TTC7A: variants seen among roughly 807,000 people sequenced by gnomAD.
The protein encoded by TTC7A is tetratricopeptide repeat protein 7A.
In TTC7A, 110 loss-of-function variants were observed where a neutral mutation model predicts 103.7. The ratio of observed to expected loss-of-function variants is 1.06; its 90% CI spans 0.91 to 1.24. The LOEUF is 1.24. TTC7A is among the 50% of genes most tolerant of loss of function. The pLI, the probability that TTC7A is intolerant of heterozygous loss-of-function variation, is 0.00. For synonymous variants in TTC7A, 521 were observed against 467.9 expected, an observed-to-expected ratio of 1.11 and a Z score of -1.47; for missense variants, 1,340 against 1,116.3, an observed-to-expected ratio of 1.20 and a Z score of -2.86.
At chr2:46,962,461 A>G (rs1672469605) in intron 3 of TTC7A, among the ~76,000 whole-genome samples, 1 of 152,120 alleles carries the variant, frequency 6.6e-6, no homozygotes, top group South Asian at 2.1e-4. Flanking sequence ...CTCCCACAGG[A>G]GGAAGTAAAA....
chr2:47,030,745 CA>C lies in TTC7A; in HGVS notation c.1802+1362del, dbSNP rs368666383. Among the ~76,000 whole-genome samples, 22 of 152,312 alleles carry C rather than the reference CA, an allele frequency of 1.4e-4. No individual in the cohort carries two copies. The East Asian group carries it at 4.1e-3, about 28-fold the overall frequency. On this transcript the variant is annotated intron_variant, in intron 15 of 19. Transcript: ENST00000319190. ...CTCCATCCTGGCCTAGGCAGGTCCC[CA>C]CTGCTCACAGCCAGGTGTAAGCAGA...
intron 8 of TTC7A, among the ~76,000 whole-genome samples, chr2:46,996,233 A>C (rs1193417570): frequency 1.3e-5 from 2 of 152,248 alleles, no homozygotes; most frequent in African/African-American, 4.8e-5. Flanking sequence ...GGGCAGGAGC[A>C]TCAGAAGCCA....
chr2:46,917,085 G>A, intron 1 of TTC7A: 2 of 677,104 alleles, frequency 3.0e-6, no homozygotes, highest in Non-Finnish European at 2.7e-6. Flanking sequence ...TGCCATTGAC[G>A]GTCTCATTCC....
chr2:47,038,190 T>G (rs1572989642), intron 15 of TTC7A, among the ~76,000 whole-genome samples: 2 of 145,496 alleles, frequency 1.4e-5, no homozygotes, highest in South Asian at 2.1e-4. Flanking sequence ...ACCCAGGAGG[T>G]GGAGGTTGCA....
intron 19 of TTC7A, among the ~76,000 whole-genome samples, chr2:47,070,329 C>T (rs888445318): frequency 6.6e-6 from 1 of 152,264 alleles, no homozygotes; most frequent in Non-Finnish European, 1.5e-5. Flanking sequence ...TTAGGTTCTG[C>T]ACCTGCGTGG....
At chr2:46,938,909 G>A (rs1368874266), upstream of TTC7A, among the ~76,000 whole-genome samples, 1 of 151,908 alleles carries the variant, frequency 6.6e-6, no homozygotes, top group Non-Finnish European at 1.5e-5. Flanking sequence ...TACTCGGGAG[G>A]CTAAGGCAGG....
intron 18 of TTC7A, among the ~76,000 whole-genome samples, chr2:47,060,019 A>G (rs2916261): frequency 0.71 from 108,016 of 151,972 alleles, 40,253 homozygotes; most frequent in East Asian, 0.94. Context: ...TTAGCTGGGC[A>G]TGTTGGCACA....
chr2:47,011,259 A>C, intron 10 of TTC7A, 72 bp from the exon 11 acceptor site: 2 of 1,397,456 alleles, frequency 1.4e-6, no homozygotes, highest in Non-Finnish European at 2.0e-6. Flanking sequence ...TTGTTTGGGA[A>C]GCTCGCCCCA....
At chr2:47,067,485 A>AGG (rs1684275011) in intron 19 of TTC7A, among the ~76,000 whole-genome samples, 1 of 152,176 alleles carries the variant, frequency 6.6e-6, no homozygotes, top group South Asian at 2.1e-4. Flanking sequence ...GAAGACAGGG[A>AGG]GGGAGTGCCT....
chr2:46,992,263 C>T (rs975319523), intron 5 of TTC7A, among the ~76,000 whole-genome samples: 4 of 152,168 alleles, frequency 2.6e-5, no homozygotes, highest in African/African-American at 9.7e-5. Flanking sequence ...GGGAGCGATG[C>T]GCCTGGCCCT....
At chr2:46,964,351 G>A (rs1249567745) in intron 3 of TTC7A, among the ~76,000 whole-genome samples, 1 of 152,212 alleles carries the variant, frequency 6.6e-6, no homozygotes, top group Non-Finnish European at 1.5e-5. Flanking sequence ...GCCAAGAGGA[G>A]GTGTGTGTGG....
intron 10 of TTC7A, among the ~76,000 whole-genome samples, chr2:47,008,727 A>G (rs1677693714): frequency 6.6e-6 from 1 of 152,186 alleles, no homozygotes; most frequent in Non-Finnish European, 1.5e-5. Context: ...TGAAAGCCTA[A>G]GGTGGAATCA....
intron 11 of TTC7A, among the ~76,000 whole-genome samples, chr2:47,015,299 A>ATTGCCT (rs1678518967): frequency 6.6e-6 from 1 of 152,246 alleles, no homozygotes; most frequent in East Asian, 1.9e-4. Flanking sequence ...AAAAGTTGAA[A>ATTGCCT]CCTTTACAGG....
chr2:46,948,785 C>T (rs1157284737), intron 1 of TTC7A, among the ~76,000 whole-genome samples: 1 of 152,130 alleles, frequency 6.6e-6, no homozygotes, highest in Non-Finnish European at 1.5e-5. Context: ...GGACTAGTGG[C>T]TATGAGATGT....
intron 3 of TTC7A, among the ~76,000 whole-genome samples, chr2:46,964,782 C>T (rs977425275): frequency 1.3e-5 from 2 of 152,206 alleles, no homozygotes; most frequent in African/African-American, 2.4e-5. Context: ...TTCCATTTCT[C>T]TAGCACTAGC....
At chr2:46,961,191 G>A in intron 3 of TTC7A, among the ~76,000 whole-genome samples, 1 of 152,158 alleles carries the variant, frequency 6.6e-6, no homozygotes, top group East Asian at 1.9e-4. Context: ...CCGATTCCAG[G>A]TGCAGGTGAC....
chr2:46,995,258 G>C (rs975908053), intron 8 of TTC7A, 59 bp downstream of exon 8: 3 of 1,577,508 alleles, frequency 1.9e-6, no homozygotes, highest in Non-Finnish European at 2.6e-6. Flanking sequence ...GGGAAGGGCT[G>C]TGGGGCCCAG....
At chr2:46,986,280 C>T (rs745556924) in intron 5 of TTC7A, among the ~76,000 whole-genome samples, 12 of 152,178 alleles carry the variant, frequency 7.9e-5, no homozygotes, top group Non-Finnish European at 1.3e-4. Flanking sequence ...AAACCCTTCT[C>T]GGTGTTCAGG....
chr2:47,062,660 A>T (rs1488437786), intron 19 of TTC7A, among the ~76,000 whole-genome samples: 1 of 152,242 alleles, frequency 6.6e-6, no homozygotes, highest in East Asian at 1.9e-4. Context: ...CTCAGCCCTG[A>T]AAACCCAACA....
Sources: gnomAD v4.1 joint callset for allele counts (sites outside exome capture counted in the v4.1 genomes callset) on GRCh38, gnomAD v4.1.1 for gene constraint, MANE v1.5 for transcripts, NCBI Gene and HGNC (gene_info 2026-07-23, HGNC 2026-07-21) for gene names.